Variants in CSRNP1 observed in about 807,000 individuals in gnomAD.
CSRNP1 encodes the protein cysteine and serine rich nuclear protein 1.
A neutral mutation model predicts 25.0 loss-of-function variants in CSRNP1; 8 were observed. The ratio of observed to expected loss-of-function variants is 0.32; its 90% CI spans 0.19 to 0.58. CSRNP1 has a LOEUF of 0.58. CSRNP1 is among the 20% of genes least tolerant of loss of function. CSRNP1 has a pLI of 0.88. For missense variants in CSRNP1, 691 were observed against 773.1 expected (o/e 0.89, Z 1.26); for synonymous variants, 305 against 303.1 (o/e 1.01, Z -0.06).
At chr3:39,148,187 G>C (rs1297738203) in intron 1 of CSRNP1, 2 of 152,136 alleles carry the variant, frequency 1.3e-5, no homozygotes, top group African/African-American at 4.8e-5. Flanking sequence ...CTGGGCCTGG[G>C]GGAAGACTCA....
chr3:39,142,661 G>T lies in CSRNP1; in HGVS notation c.*394C>A. On this transcript the variant is annotated 3_prime_UTR_variant, in exon 5 of 5. Coordinates refer to ENST00000273153, the MANE Select transcript of CSRNP1 (RefSeq NM_033027.4). ...GGATTTAGCCACCCATGGGTCTAGGGCTCAGGGTGGCAGAAGCCACCTGAT... is the reference window on the plus strand; with the variant it reads ...GGATTTAGCCACCCATGGGTCTAGGTCTCAGGGTGGCAGAAGCCACCTGAT... The T allele has an allele frequency of 5.8e-6, 1 of 171,994 alleles. No homozygotes were observed. Among genetic ancestry groups the T allele is most frequent in the South Asian group, 1.6e-4 (1 of 6,274 alleles). 10.7% of individuals were successfully genotyped at this position (171,994 alleles called of 1,614,324 possible).
At chr3:39,147,257 TACAGCCCGC>T (rs1185259143) in intron 1 of CSRNP1, among the ~76,000 whole-genome samples, 5 of 150,098 alleles carry the variant, frequency 3.3e-5, no homozygotes, top group Admixed American at 6.6e-5. Flanking sequence ...GTGTACGCCC[TACAGCCCGC>T]ACAGCCCGCA....
Position 39,142,902 on chromosome 3 carries a change from A to C in CSRNP1, c.*153T>G, listed in dbSNP as rs1210458155. On this transcript the variant is annotated 3_prime_UTR_variant, in exon 5 of 5. Coordinates refer to ENST00000273153, the MANE Select transcript of CSRNP1 (RefSeq NM_033027.4). The stretch of plus-strand genomic sequence containing the variant: ...CACAGAAAAGTTAAAACAAATAAAT[A>C]AATCCAGAGAATTGTTTGAAAACCA... 61 of 889,668 alleles carry C rather than the reference A, an allele frequency of 6.9e-5. No homozygotes were observed. In the South Asian group the frequency reaches 9.3e-4, roughly 14 times the overall value. 55.1% of individuals were successfully genotyped at this position (889,668 alleles called of 1,614,324 possible).
In CSRNP1 at chr3:39,145,239, G is replaced by A; in HGVS notation, c.223C>T (p.Arg75Trp). The change falls in exon 3 of 5, where the codon CGG (arginine) becomes TGG (tryptophan). Residue 75 changes from arginine to tryptophan, a missense_variant. Coordinates refer to ENST00000273153, the MANE Select transcript of CSRNP1 (RefSeq NM_033027.4). Reference protein sequence around the residue: ...RSFTPLSILKRARRERPGRVA... With the variant: ...RSFTPLSILKWARRERPGRVA... ...CGGCCTGGGCGCTCCCGGCGAGCCC[G>A]CTTCAGGATAGACAGGGCTAGAAAG... 2.5e-6 allele frequency: 4 copies of A among 1,599,252 alleles called. No individual in the cohort carries two copies. The highest frequency in any genetic ancestry group is 2.2e-5 in the South Asian group (2 of 89,936).
rs1434165662 is a variant in CSRNP1, at chr3:39,143,253, C to T, written c.1572G>A (p.Lys524=). The T allele has an allele frequency of 6.2e-7, 1 of 1,614,180 alleles. No individual in the cohort carries two copies. Among genetic ancestry groups the T allele is most frequent in the Admixed American group, 1.7e-5 (1 of 60,026 alleles). Residue 524 remains lysine (K), a synonymous_variant, in exon 5 of 5, where the codon AAG becomes AAA. Coordinates refer to ENST00000273153, the MANE Select transcript of CSRNP1 (RefSeq NM_033027.4). ...YSLGPHYTSQ[K]VSDSLDNIEA... ...CGATGTTGTCCAGGCTGTCAGACAC[C>T]TTCTGTGATGTGTAGTGAGGCCCCA... is the stretch of plus-strand genomic sequence containing the variant.
chr3:39,147,329 A>C (rs938205), intron 1 of CSRNP1, among the ~76,000 whole-genome samples: 150,679 of 152,096 alleles, frequency 0.99, 74,651 homozygotes, highest in Middle Eastern at 1. Flanking sequence ...AGCACATCCA[A>C]ACAGGCACGC....
In CSRNP1 at chr3:39,144,402, A is replaced by G; in HGVS notation, c.515T>C (p.Val172Ala). Residue 172 changes from valine to alanine, a missense_variant, in exon 4 of 5, where the codon GTG becomes GCG. Coordinates refer to ENST00000273153, the MANE Select transcript of CSRNP1 (RefSeq NM_033027.4). ...PQAEAGLPPV[V>A]DAIDDASVEE... The stretch of plus-strand genomic sequence containing the variant: ...CACAGAGGCGTCATCAATGGCATCC[A>G]CCACAGGTGGCAGCCCTGCCTCTGC... 6.2e-7 allele frequency: 1 copy of G among 1,612,486 alleles called. No individual in the cohort carries two copies. The highest frequency in any genetic ancestry group is 8.5e-7 in the Non-Finnish European group (1 of 1,179,012).
chr3:39,142,294 A>T lies in CSRNP1; in HGVS notation c.*761T>A, dbSNP rs926345199. 2.0e-5 allele frequency: 3 copies of T among 152,410 alleles called. No homozygotes were observed. Among genetic ancestry groups the T allele is most frequent in the Admixed American group, 6.5e-5 (1 of 15,290 alleles). The allele number at this position is 152,410 out of a possible 1,614,324, so 9.4% of individuals were successfully genotyped here. ...CCTTTGGGAAGGGGGAAGATGGAAC[A>T]GAGGGCAGGAAGTGGAGGGGGCAGG... On this transcript the variant is annotated 3_prime_UTR_variant, in exon 5 of 5. Coordinates refer to ENST00000273153, the MANE Select transcript of CSRNP1 (RefSeq NM_033027.4).
At chr3:39,145,975 T>C (rs2039504042) in intron 2 of CSRNP1, among the ~76,000 whole-genome samples, 1 of 152,044 alleles carries the variant, frequency 6.6e-6, no homozygotes, top group African/African-American at 2.4e-5. Context: ...AAAAATAAGG[T>C]CCAGAAACAC....
Position 39,144,192 on chromosome 3 carries a change from T to A in CSRNP1, c.725A>T (p.Asp242Val). The stretch of plus-strand genomic sequence containing the variant: ...GCAGGTCTCAGGGTCGCAGATCCTA[T>A]CGCAGTGACAGCCACAATCCTCCCG... Reference protein sequence around the residue: ...QSREDCGCHCDRICDPETCSC... With the variant: ...QSREDCGCHCVRICDPETCSC... The change falls in exon 4 of 5, where the codon GAT becomes GTT. Residue 242 changes from aspartate to valine, a missense_variant. Physicochemically the swap from Asp to Val is radical, Grantham distance 152 (BLOSUM62 -3). Transcript: ENST00000273153. The A allele has an allele frequency of 6.2e-7, 1 of 1,614,188 alleles. No homozygotes were observed. The highest frequency in any genetic ancestry group is 8.5e-7 in the Non-Finnish European group (1 of 1,180,028).
Position 39,142,921 on chromosome 3 carries a change from A to C in CSRNP1, c.*134T>G. 1 of 986,366 alleles carries C rather than the reference A, an allele frequency of 1.0e-6. No homozygotes were observed. Among genetic ancestry groups the C allele is most frequent in the Non-Finnish European group, 1.5e-6 (1 of 671,720 alleles). The allele number at this position is 986,366 out of a possible 1,614,324, so 61.1% of individuals were successfully genotyped here. On this transcript the variant is annotated 3_prime_UTR_variant, in exon 5 of 5. Coordinates refer to ENST00000273153, the MANE Select transcript of CSRNP1 (RefSeq NM_033027.4). ...ATAAATAAATCCAGAGAATTGTTTG[A>C]AAACCAGGAGTGTGCACATGGCACC...
chr3:39,144,304 G>T lies in CSRNP1; in HGVS notation c.613C>A (p.Arg205=). 1 of 1,614,148 alleles carries T rather than the reference G, an allele frequency of 6.2e-7. No homozygotes were observed. The highest frequency in any genetic ancestry group is 1.1e-5 in the South Asian group (1 of 91,084). Residue 205 remains arginine, a synonymous_variant, in exon 4 of 5, where the codon CGG becomes AGG. Coordinates refer to ENST00000273153, the MANE Select transcript of CSRNP1 (RefSeq NM_033027.4). ...GCCCTCAGCAGAGCTCGACGTCGCC[G>T]GGCTGGGTAGGGCTGTAGGAAGCTC... is the stretch of plus-strand genomic sequence containing the variant. The part of the protein sequence containing the change: ...EVSFLQPYPA[R]RRRALLRASG...
chr3:39,152,292 A>T (rs1186025666), intron 1 of CSRNP1: 2 of 152,674 alleles, frequency 1.3e-5, no homozygotes, highest in East Asian at 3.9e-4. Context: ...GCTCCAGGGC[A>T]GGCTTTACCT....
At position 39,143,976 on chromosome 3, in the gene CSRNP1, T is replaced by C. The variant is rs2039462664; in HGVS notation, c.849A>G (p.Glu283=). The C allele has an allele frequency of 1.2e-6, 2 of 1,614,062 alleles. No homozygotes were observed. Among genetic ancestry groups the C allele is most frequent in the Admixed American group, 1.7e-5 (1 of 60,028 alleles). The stretch of plus-strand genomic sequence containing the variant: ...GGGTCTGAACTCTTGCCTGATTAAA[T>C]TCCACACGGCCCATGGGGTTCTCAC... The part of the protein sequence containing the change: ...EGCENPMGRV[E]FNQARVQTHF... Residue 283 remains glutamate, a synonymous_variant, in exon 5 of 5, where the codon GAA becomes GAG. Coordinates refer to ENST00000273153, the MANE Select transcript of CSRNP1 (RefSeq NM_033027.4).
Position 39,144,446 on chromosome 3 carries a change from C to A in CSRNP1, c.471G>T (p.Ser157=). The A allele has an allele frequency of 6.2e-7, 1 of 1,600,584 alleles. No individual in the cohort carries two copies. The highest frequency in any genetic ancestry group is 8.5e-7 in the Non-Finnish European group (1 of 1,172,928). Residue 157 remains serine (S), a synonymous_variant, in exon 4 of 5, where the codon TCG becomes TCT. Transcript: ENST00000273153. ...CCTCTGCCTGGGGTACCCCAGCTGC[C>A]GAAAGCTGCATCCACAGGAAAGAGG... The part of the protein sequence containing the change: ...EKLEMLQWKL[S]AAGVPQAEAG...
At chr3:39,147,818 A>G (rs1045343393) in intron 1 of CSRNP1, among the ~76,000 whole-genome samples, 3 of 152,138 alleles carry the variant, frequency 2.0e-5, no homozygotes, top group Admixed American at 1.3e-4. Flanking sequence ...CCAAAGGCTG[A>G]GTACAGCTAC....
In CSRNP1 at chr3:39,144,268, G is replaced by A. The variant is rs1230198888; in HGVS notation, c.649C>T (p.Arg217Ter). ...RRALLRASGV[R>*]RIDREEKREL... The stretch of plus-strand genomic sequence containing the variant: ...CGCTTCTCCTCCCGATCGATCCTTC[G>A]CACACCTGAAGCCCTCAGCAGAGCT... Residue 217 changes from arginine to a stop codon, truncating the protein, a stop_gained, in exon 4 of 5, where the codon CGA becomes TGA. Coordinates refer to ENST00000273153, the MANE Select transcript of CSRNP1 (RefSeq NM_033027.4). LOFTEE classifies it high-confidence loss of function. The A allele has an allele frequency of 1.2e-6, 2 of 1,614,130 alleles. No individual in the cohort carries two copies. The highest frequency in any genetic ancestry group is 1.3e-5 in the African/African-American group (1 of 75,036).
At chr3:39,144,546 C>A in intron 3 of CSRNP1, 95 bp from the exon 4 acceptor site, 1 of 1,263,014 alleles carries the variant, frequency 7.9e-7, no homozygotes. Context: ...GTGCTTACCC[C>A]CCCACTACTC....
Position 39,153,468 on chromosome 3 carries a change from A to G in CSRNP1, c.-71T>C. ...ATCCGGACGCTCGCGGAGGACAACG[A>G]CGCGACCCGCGTCCCGGCCGGGGAC... is the stretch of plus-strand genomic sequence containing the variant. On this transcript the variant is annotated 5_prime_UTR_variant, in exon 1 of 5. Coordinates refer to ENST00000273153, the MANE Select transcript of CSRNP1 (RefSeq NM_033027.4). 1 of 321,986 alleles carries G rather than the reference A, an allele frequency of 3.1e-6. No individual in the cohort carries two copies. The highest frequency in any genetic ancestry group is 2.0e-5 in the South Asian group (1 of 49,286). The allele number at this position is 321,986 out of a possible 1,614,324, so 19.9% of individuals were successfully genotyped here. A position where few individuals can be genotyped will look rare whatever the true frequency, so the allele number is the denominator to read the frequency against.
Sources: allele counts gnomAD v4.1 joint callset (sites outside exome capture counted in the v4.1 genomes callset), GRCh38; gene constraint gnomAD v4.1.1; transcripts MANE v1.5; gene names NCBI Gene and HGNC (gene_info 2026-07-23, HGNC 2026-07-21).